NCAM1: variants seen among roughly 807,000 people sequenced by gnomAD.
NCAM1 encodes antigen recognized by monoclonal antibody 5.1H11.
Under a neutral mutation model 109.8 loss-of-function variants are expected in NCAM1, and 14 were observed. The observed-to-expected ratio is 0.13, with a 90% CI of 0.08 to 0.20. The LOEUF (loss-of-function observed/expected upper bound fraction) is 0.20. Among genes scored for constraint, NCAM1 ranks in the 10% least tolerant of loss-of-function variants. NCAM1 has a pLI of 1.00. For missense variants in NCAM1, 774 were observed against 1,109.9 expected (o/e 0.70, Z 4.30); for synonymous variants, 418 against 442.9 (o/e 0.94, Z 0.70).
chr11:113,241,468 G>A (rs570009718), intron 14 of NCAM1, among the ~76,000 whole-genome samples: 3 of 152,190 alleles, frequency 2.0e-5, no homozygotes, highest in Admixed American at 6.5e-5. Context: ...AGTCACCCAC[G>A]TCCCGCCACC....
At chr11:113,059,956 A>G (rs1048371910) in intron 1 of NCAM1, among the ~76,000 whole-genome samples, 1 of 152,244 alleles carries the variant, frequency 6.6e-6, no homozygotes, top group African/African-American at 2.4e-5. Context: ...GAGCCAGGAC[A>G]TATCTCCCTT....
intron 1 of NCAM1, among the ~76,000 whole-genome samples, chr11:113,195,092 T>G (rs1201716218): frequency 6.6e-6 from 1 of 152,232 alleles, no homozygotes; most frequent in Non-Finnish European, 1.5e-5. Flanking sequence ...GCCATTATAC[T>G]GAAACAGAAG....
chr11:113,187,373 G>A (rs1943539538), intron 1 of NCAM1, among the ~76,000 whole-genome samples: 1 of 152,184 alleles, frequency 6.6e-6, no homozygotes, highest in Admixed American at 6.5e-5. Flanking sequence ...AGGGTAAGCA[G>A]TCTTTGATGT....
chr11:113,262,920 T>C, intron 17 of NCAM1: 1 of 1,613,744 alleles, frequency 6.2e-7, no homozygotes, highest in African/African-American at 1.3e-5. Context: ...TCTTTTGCTC[T>C]GTTAGGAACT....
chr11:113,039,242 T>C (rs1952994031), intron 1 of NCAM1, among the ~76,000 whole-genome samples: 1 of 152,240 alleles, frequency 6.6e-6, no homozygotes, highest in South Asian at 2.1e-4. Flanking sequence ...TCACTTGAAC[T>C]TGGCTTTTCC....
At chr11:113,132,810 C>A (rs1941450500) in intron 1 of NCAM1, 1 of 152,256 alleles carries the variant, frequency 6.6e-6, no homozygotes. Flanking sequence ...CCTGACCCAC[C>A]CCATAGAGGT....
intron 1 of NCAM1, among the ~76,000 whole-genome samples, chr11:113,181,009 T>C (rs1028315208): frequency 6.6e-6 from 1 of 152,238 alleles, no homozygotes; most frequent in African/African-American, 2.4e-5. Context: ...TTGCAGTTTT[T>C]GGTACAGTAT....
chr11:113,274,770 T>A lies in NCAM1; in HGVS notation c.2457-497T>A, dbSNP rs1166253581. ...CATCCTGCAACAGCACAGGGTGGGGTGGGGAAGGGACAGGCAAGAGTGGGT... is the reference window on the plus strand; with the variant it reads ...CATCCTGCAACAGCACAGGGTGGGGAGGGGAAGGGACAGGCAAGAGTGGGT... On this transcript the variant is annotated intron_variant, in intron 19 of 19. Coordinates refer to ENST00000316851, the MANE Select transcript of NCAM1 (RefSeq NM_181351.5). The surrounding 1 kb of genome is among the most constrained non-coding windows in gnomAD (Gnocchi z 4.1). 3.3e-5 allele frequency among the ~76,000 whole-genome samples: 5 copies of A among 151,512 alleles called. No individual in the cohort carries two copies. Among genetic ancestry groups the A allele is most frequent in the Admixed American group, 6.6e-5 (1 of 15,220 alleles).
chr11:113,270,359 A>C lies in NCAM1; in HGVS notation c.2303A>C (p.Lys768Thr), dbSNP rs1946239679. The C allele has an allele frequency of 3.1e-6, 5 of 1,613,990 alleles. No individual in the cohort carries two copies. Among genetic ancestry groups the C allele is most frequent in the Non-Finnish European group, 4.2e-6 (5 of 1,179,892 alleles). The change falls in exon 18 of 20, where the codon AAG becomes ACG. Residue 768 changes from lysine (K) to threonine (T), a missense_variant. By Grantham distance (78) the Lys-to-Thr change is moderately conservative. Coordinates refer to ENST00000316851, the MANE Select transcript of NCAM1 (RefSeq NM_181351.5). The part of the protein sequence containing the change: ...NLCGKAGPGA[K>T]GKDMEEGKAA... ...TGTGGAAAAGCCGGGCCCGGGGCCA[A>C]GGGCAAGGACATGGAGGAGGGCAAG...
At chr11:113,234,128 C>T (rs782301394) in intron 13 of NCAM1, among the ~76,000 whole-genome samples, 1 of 147,952 alleles carries the variant, frequency 6.8e-6, no homozygotes, top group Non-Finnish European at 1.5e-5. Context: ...GCCAGGGGGC[C>T]GAGAGGAGCT....
chr11:113,132,672 T>C (rs535295910), intron 1 of NCAM1, among the ~76,000 whole-genome samples: 17 of 136,614 alleles, frequency 1.2e-4, no homozygotes, highest in Admixed American at 4.3e-4. Flanking sequence ...GTGGGGGAGC[T>C]GGAGAGAGAG....
chr11:113,115,093 C>A (rs997198229), intron 1 of NCAM1, among the ~76,000 whole-genome samples: 1 of 152,182 alleles, frequency 6.6e-6, no homozygotes, highest in Admixed American at 6.5e-5. Context: ...CAGCACCCCC[C>A]AGCTGGTAGC....
intron 1 of NCAM1, among the ~76,000 whole-genome samples, chr11:113,093,351 G>A (rs1291474529): frequency 3.3e-5 from 5 of 152,316 alleles, no homozygotes; most frequent in Admixed American, 6.5e-5. Context: ...AGGAAAGCTT[G>A]TTTCAAAGAA....
chr11:113,232,131 C>T (rs781835847), intron 10 of NCAM1, 39 bp from the exon 11 acceptor site: 1 of 1,528,508 alleles, frequency 6.5e-7, no homozygotes, highest in Non-Finnish European at 8.8e-7. Context: ...GCTTCATAAT[C>T]ATGGCAGTCA....
Position 112,963,840 on chromosome 11 carries a change from T to C in NCAM1, c.52+2176T>C, listed in dbSNP as rs1555064340. ...CCAGGAATTCCCACTGGGATGTTCC[T>C]GGATGCCCAGGCAGGGGAGGCATTC... is the stretch of plus-strand genomic sequence containing the variant. On this transcript the variant is annotated intron_variant, in intron 1 of 19. Transcript: ENST00000316851. This position sits in a 1 kb window ranked among gnomAD's most constrained non-coding sequence, Gnocchi z 4.6. Among the ~76,000 whole-genome samples the C allele has an allele frequency of 6.6e-6, 1 of 152,130 alleles. No individual in the cohort carries two copies.
intron 9 of NCAM1, among the ~76,000 whole-genome samples, chr11:113,229,633 C>T (rs1218550666): frequency 1.3e-5 from 2 of 152,168 alleles, no homozygotes; most frequent in Middle Eastern, 3.2e-3. Context: ...CACATGCACA[C>T]GTATGTTTAT....
At chr11:113,198,389 T>C (rs1555111251) in intron 1 of NCAM1, among the ~76,000 whole-genome samples, 1 of 149,380 alleles carries the variant, frequency 6.7e-6, no homozygotes, top group East Asian at 2.0e-4. Context: ...TTTTTTTTTT[T>C]GAGATGGAGT....
intron 5 of NCAM1, 73 bp from the exon 6 acceptor site, chr11:113,207,187 TG>T: frequency 8.8e-7 from 1 of 1,138,214 alleles, no homozygotes; most frequent in Non-Finnish European, 1.3e-6. Context: ...TGACCTGGAG[TG>T]GTGTCTCTTC....
chr11:113,139,315 G>A (rs1941725839), intron 1 of NCAM1, among the ~76,000 whole-genome samples: 2 of 152,166 alleles, frequency 1.3e-5, no homozygotes, highest in Admixed American at 6.5e-5. Context: ...ATTACATTCA[G>A]TGCTACAGCA....
Sources: allele counts gnomAD v4.1 joint callset (sites outside exome capture counted in the v4.1 genomes callset), GRCh38; gene constraint gnomAD v4.1.1; non-coding constraint Gnocchi (gnomAD v3.1); transcripts MANE v1.5; gene names NCBI Gene and HGNC (gene_info 2026-07-23, HGNC 2026-07-21).